The following SEZ6L variants were observed in gnomAD, a reference collection of about 807,000 sequenced individuals.
SEZ6L encodes the protein seizure 6-like protein.
In SEZ6L, 37 loss-of-function variants were observed where a neutral mutation model predicts 106.2. That is an observed-to-expected ratio of 0.35 (90% CI 0.27 to 0.46). The LOEUF (loss-of-function observed/expected upper bound fraction) is 0.46, where lower values mean the gene tolerates loss of function less well. Among genes scored for constraint, SEZ6L ranks in the 20% least tolerant of loss-of-function variants. SEZ6L has a pLI of 1.00. For missense variants in SEZ6L, 1,172 were observed against 1,332.8 expected (o/e 0.88, Z 1.88); for synonymous variants, 541 against 570.4 (o/e 0.95, Z 0.73).
intron 16 of SEZ6L, 96 bp from the exon 17 acceptor site, chr22:26,380,170 G>A (rs1278880863): frequency 3.4e-6 from 4 of 1,191,798 alleles, no homozygotes; most frequent in Non-Finnish European, 4.9e-6. Flanking sequence ...CACGACCAAG[G>A]GCATGGACAT....
At chr22:26,199,251 C>A (rs555240461) in intron 1 of SEZ6L, among the ~76,000 whole-genome samples, 1 of 152,156 alleles carries the variant, frequency 6.6e-6, no homozygotes, top group Non-Finnish European at 1.5e-5. Flanking sequence ...AAATGAAGAA[C>A]CATACCCAGC....
At chr22:26,307,523 A>G (rs938440299) in intron 6 of SEZ6L, among the ~76,000 whole-genome samples, 2 of 151,842 alleles carry the variant, frequency 1.3e-5, no homozygotes, top group African/African-American at 4.8e-5. Context: ...ATACCTCTTG[A>G]GTCCACTTCC....
intron 1 of SEZ6L, among the ~76,000 whole-genome samples, chr22:26,208,125 C>A (rs1284547549): frequency 6.6e-6 from 1 of 152,004 alleles, no homozygotes; most frequent in African/African-American, 2.4e-5. Flanking sequence ...CCGTGTTAGC[C>A]AGGATGGTCT....
At chr22:26,199,463 C>T (rs756051615) in intron 1 of SEZ6L, among the ~76,000 whole-genome samples, 1 of 152,162 alleles carries the variant, frequency 6.6e-6, no homozygotes, top group Non-Finnish European at 1.5e-5. Flanking sequence ...TTGGGAGCCA[C>T]TTTATACAAA....
chr22:26,283,710 TAGC>T (rs2080845255), intron 1 of SEZ6L, among the ~76,000 whole-genome samples: 1 of 152,068 alleles, frequency 6.6e-6, no homozygotes, highest in Admixed American at 6.5e-5. Flanking sequence ...CAATAAATAA[TAGC>T]AGTAAAATAA....
At chr22:26,339,817 A>G (rs188202657) in intron 9 of SEZ6L, among the ~76,000 whole-genome samples, 228 of 152,374 alleles carry the variant, frequency 1.5e-3, no homozygotes, top group Non-Finnish European at 2.7e-3. Flanking sequence ...CCTAACACAG[A>G]GATGTCACCT....
intron 1 of SEZ6L, among the ~76,000 whole-genome samples, chr22:26,285,500 G>A (rs1015697782): frequency 6.6e-6 from 1 of 152,214 alleles, no homozygotes; most frequent in African/African-American, 2.4e-5. Flanking sequence ...GATTAATCCA[G>A]TGGTCTTCAA....
chr22:26,260,505 T>C (rs2079965815), intron 1 of SEZ6L, among the ~76,000 whole-genome samples: 1 of 152,194 alleles, frequency 6.6e-6, no homozygotes, highest in Non-Finnish European at 1.5e-5. Context: ...CCATCATATA[T>C]ACATATGACA....
rs544448580 is a variant in SEZ6L, at chr22:26,284,524, C to T, written c.95-7882C>T. Among the ~76,000 whole-genome samples, 145 of 142,658 alleles carry T rather than the reference C, an allele frequency of 1.0e-3. 1 individual carries two copies. In the South Asian group the frequency reaches 0.032, roughly 32 times the overall value. The allele number at this position is 142,658 out of a possible 152,430, so 93.6% of individuals were successfully genotyped here. A position where few individuals can be genotyped will look rare whatever the true frequency, so the allele number is the denominator to read the frequency against. ...ATTCTGGAGATTGAAATGGGAGGATCGCTTTAACCCAGGAGGCGGAGGTTG... is the reference window on the plus strand; with the variant it reads ...ATTCTGGAGATTGAAATGGGAGGATTGCTTTAACCCAGGAGGCGGAGGTTG... On this transcript the variant is annotated intron_variant, in intron 1 of 16. Transcript: ENST00000248933.
intron 1 of SEZ6L, among the ~76,000 whole-genome samples, chr22:26,281,938 C>A (rs866944009): frequency 6.6e-6 from 1 of 152,180 alleles, no homozygotes; most frequent in East Asian, 1.9e-4. Context: ...CTTCATCATT[C>A]TCTTCTCTCA....
chr22:26,332,714 C>T (rs2145971778), intron 9 of SEZ6L, among the ~76,000 whole-genome samples: 1 of 152,336 alleles, frequency 6.6e-6, no homozygotes, highest in Non-Finnish European at 1.5e-5. Flanking sequence ...TCCCAAAATG[C>T]TGGGATTACA....
chr22:26,370,240 C>T (rs571786654), intron 13 of SEZ6L, among the ~76,000 whole-genome samples: 30 of 152,082 alleles, frequency 2.0e-4, no homozygotes, highest in African/African-American at 6.0e-4. Flanking sequence ...AAAAATTTAG[C>T]CGGGTGTGGT....
At chr22:26,179,018 G>T (rs1939210414) in intron 1 of SEZ6L, among the ~76,000 whole-genome samples, 2 of 152,154 alleles carry the variant, frequency 1.3e-5, no homozygotes, top group Admixed American at 1.3e-4. Context: ...TCTGCTGATG[G>T]TATTAGCAGT....
chr22:26,178,195 T>C (rs1939151076), intron 1 of SEZ6L, among the ~76,000 whole-genome samples: 1 of 152,170 alleles, frequency 6.6e-6, no homozygotes, highest in Non-Finnish European at 1.5e-5. Context: ...GAAGTGGAAA[T>C]CAAGCCATAG....
intron 5 of SEZ6L, among the ~76,000 whole-genome samples, chr22:26,304,393 A>AAAGAAAG (rs2081563766): frequency 7.1e-6 from 1 of 141,258 alleles, no homozygotes; most frequent in Admixed American, 6.8e-5. Flanking sequence ...AGAAAGAAAG[A>AAAGAAAG]AAGAAAGAAA....
intron 1 of SEZ6L, among the ~76,000 whole-genome samples, chr22:26,245,127 G>A (rs2079289058): frequency 6.6e-6 from 1 of 152,140 alleles, no homozygotes; most frequent in South Asian, 2.1e-4. Flanking sequence ...GCCCCTTTGT[G>A]GTGGGGAGGT....
intron 1 of SEZ6L, among the ~76,000 whole-genome samples, chr22:26,223,941 T>A (rs2078561297): frequency 6.6e-6 from 1 of 152,196 alleles, no homozygotes; most frequent in Non-Finnish European, 1.5e-5. Flanking sequence ...ATTTGACCCA[T>A]CATTTTTGCT....
At chr22:26,195,819 TGTG>T (rs1277680882) in intron 1 of SEZ6L, among the ~76,000 whole-genome samples, 1 of 152,114 alleles carries the variant, frequency 6.6e-6, no homozygotes, top group Non-Finnish European at 1.5e-5. Context: ...TGTGTGTGTG[TGTG>T]ATTACAAATA....
intron 9 of SEZ6L, among the ~76,000 whole-genome samples, chr22:26,322,364 T>A (rs2082178936): frequency 6.6e-6 from 1 of 152,110 alleles, no homozygotes; most frequent in South Asian, 2.1e-4. Flanking sequence ...CAGCTGTGTG[T>A]CTCGGCAATG....
Sources: allele counts gnomAD v4.1 joint callset (sites outside exome capture counted in the v4.1 genomes callset), GRCh38; gene constraint gnomAD v4.1.1; transcripts MANE v1.5; gene names NCBI Gene and HGNC (gene_info 2026-07-23, HGNC 2026-07-21).